CCDC91: variants seen among roughly 807,000 people sequenced by gnomAD.
CCDC91 encodes coiled-coil domain-containing protein 91.
Under a neutral mutation model 63.2 loss-of-function variants are expected in CCDC91, and 48 were observed. The ratio of observed to expected loss-of-function variants is 0.76; its 90% confidence interval spans 0.60 to 0.97. The LOEUF is 0.97. CCDC91 is among the 50% of genes least tolerant of loss of function. The pLI is 0.00. For missense variants in CCDC91, 500 were observed against 494.6 expected (o/e 1.01, Z -0.10); for synonymous variants, 167 against 165.8 (o/e 1.01, Z -0.06).
intron 1 of CCDC91, among the ~76,000 whole-genome samples, chr12:28,218,142 C>T (rs1943689887): frequency 6.6e-6 from 1 of 152,106 alleles, no homozygotes; most frequent in Non-Finnish European, 1.5e-5. Flanking sequence ...CATTGCACAT[C>T]TTTTTCCCCT....
At position 28,441,891 on chromosome 12, in the gene CCDC91, C is replaced by T. The variant is rs559712452; in HGVS notation, c.763-8270C>T. On this transcript the variant is annotated intron_variant, in intron 8 of 12. Transcript: ENST00000536442. ...AAGATGTGTATCACACAGCTAAGTG[C>T]ATAGCTAAGATTGTTCAAGCTTGTA... is the stretch of plus-strand genomic sequence containing the variant. 4.0e-5 allele frequency among the ~76,000 whole-genome samples: 6 copies of T among 151,890 alleles called. No homozygotes were observed. The South Asian group carries it at 1.2e-3, about 32-fold the overall frequency.
Position 28,298,308 on chromosome 12 carries a change from G to C in CCDC91, c.110-7341G>C, listed in dbSNP as rs541084817. Among the ~76,000 whole-genome samples the C allele has an allele frequency of 1.0e-3, 156 of 150,898 alleles. 1 individual carries two copies. Among genetic ancestry groups the C allele is most frequent in the African/African-American group, 3.4e-3 (141 of 41,294 alleles). On this transcript the variant is annotated intron_variant, in intron 3 of 12. Coordinates refer to ENST00000536442, the MANE Select transcript of CCDC91 (RefSeq NM_018318.5). ...TATTGGTCTGATTAGCAGGATGCCA[G>C]AAAGGCTTGCATCTCCAAATTTTGT...
intron 8 of CCDC91, among the ~76,000 whole-genome samples, chr12:28,436,055 C>T (rs1948888309): frequency 6.6e-6 from 1 of 151,698 alleles, no homozygotes; most frequent in Admixed American, 6.6e-5. Flanking sequence ...CAATCTCTGT[C>T]TTTTAATTGT....
chr12:28,373,929 G>A (rs1468117146), intron 7 of CCDC91, among the ~76,000 whole-genome samples: 1 of 152,050 alleles, frequency 6.6e-6, no homozygotes, highest in Non-Finnish European at 1.5e-5. Flanking sequence ...CTATGAAGAA[G>A]GTGCATTGCT....
At chr12:28,434,397 A>G (rs1412415490) in intron 8 of CCDC91, among the ~76,000 whole-genome samples, 10 of 151,384 alleles carry the variant, frequency 6.6e-5, no homozygotes, top group South Asian at 2.1e-4. Context: ...TTAGCTGTCC[A>G]TGTGATTGAT....
chr12:28,382,952 C>A (rs1292376315), intron 7 of CCDC91, among the ~76,000 whole-genome samples: 1 of 151,970 alleles, frequency 6.6e-6, no homozygotes, highest in Non-Finnish European at 1.5e-5. Context: ...GAGGGATATC[C>A]ATATGGCAGC....
chr12:28,346,784 T>C (rs1272886248), intron 6 of CCDC91, among the ~76,000 whole-genome samples: 1 of 152,152 alleles, frequency 6.6e-6, no homozygotes, highest in African/African-American at 2.4e-5. Flanking sequence ...TTATAGTGGC[T>C]TTATGAGGTA....
At chr12:28,241,995 C>CAAAAAAAAAAAAAAA (rs1209663723) in intron 1 of CCDC91, among the ~76,000 whole-genome samples, 3 of 41,424 alleles carry the variant, frequency 7.2e-5, no homozygotes, top group South Asian at 9.6e-4. Context: ...GACTCCTTCT[C>CAAAAAAAAAAAAAAA]AAAAAAAAAA....
rs1240507555 is a variant in CCDC91 at position 28,491,859 on chromosome 12, TTTTG to T, written c.1215+7696_1215+7699del. On this transcript the variant is annotated intron_variant, in intron 12 of 12. Transcript: ENST00000536442. The stretch of plus-strand genomic sequence containing the variant: ...TTCAGCCATCCTTAGAAGTCAAAAA[TTTTG>T]TGTGTGTGTGTGTGTGTGTGTGTGT... Among the ~76,000 whole-genome samples the T allele has an allele frequency of 4.1e-4, 32 of 78,230 alleles. 2 individuals are homozygous for T. Among genetic ancestry groups the T allele is most frequent in the Admixed American group, 3.0e-3 (22 of 7,452 alleles). The allele number at this position is 78,230 out of a possible 152,430, so 51.3% of individuals were successfully genotyped here. A position where few individuals can be genotyped will look rare whatever the true frequency, so the allele number is the denominator to read the frequency against.
chr12:28,234,784 A>T, intron 1 of CCDC91, among the ~76,000 whole-genome samples: 1 of 151,854 alleles, frequency 6.6e-6, no homozygotes, highest in South Asian at 2.1e-4. Flanking sequence ...AAGTTTCAGT[A>T]TCTTACAGCT....
At chr12:28,208,902 G>A (rs1244255424) in intron 1 of CCDC91, among the ~76,000 whole-genome samples, 1 of 152,098 alleles carries the variant, frequency 6.6e-6, no homozygotes, top group African/African-American at 2.4e-5. Flanking sequence ...CCGGGTTCAC[G>A]CCATTCTCCT....
chr12:28,199,200 A>G (rs1293944728), intron 1 of CCDC91: 1 of 151,634 alleles, frequency 6.6e-6, no homozygotes, highest in Non-Finnish European at 1.5e-5. Context: ...GTTGTGAGCC[A>G]CTGCACCCGG....
chr12:28,514,520 G>C (rs183657037), intron 12 of CCDC91, among the ~76,000 whole-genome samples: 5 of 150,624 alleles, frequency 3.3e-5, no homozygotes, highest in Admixed American at 6.6e-5. Flanking sequence ...TTTTTGCTTT[G>C]GTTGTAATTG....
At chr12:28,447,981 G>T (rs1460966358) in intron 8 of CCDC91, among the ~76,000 whole-genome samples, 1 of 152,064 alleles carries the variant, frequency 6.6e-6, no homozygotes, top group African/African-American at 2.4e-5. Context: ...AAAATCGGAA[G>T]CATAGATTAC....
intron 8 of CCDC91, among the ~76,000 whole-genome samples, chr12:28,402,209 C>T (rs1946665639): frequency 6.6e-6 from 1 of 152,094 alleles, no homozygotes; most frequent in Admixed American, 6.6e-5. Context: ...GTTGTGATAA[C>T]CAGAAATATC....
At chr12:28,278,217 T>C (rs1484286124) in intron 3 of CCDC91, among the ~76,000 whole-genome samples, 1 of 152,052 alleles carries the variant, frequency 6.6e-6, no homozygotes, top group Non-Finnish European at 1.5e-5. Context: ...CTAGTCTCTT[T>C]TTCATTGTCA....
chr12:28,372,503 T>A (rs12426327), intron 7 of CCDC91, among the ~76,000 whole-genome samples: 4,384 of 150,254 alleles, frequency 0.029, 141 homozygotes, highest in Admixed American at 0.1. Context: ...ATGCTTTTTT[T>A]TAAAATTTTT....
At chr12:28,480,322 C>A (rs1951376539) in intron 11 of CCDC91, among the ~76,000 whole-genome samples, 1 of 151,930 alleles carries the variant, frequency 6.6e-6, no homozygotes, top group South Asian at 2.1e-4. Context: ...ATATCTCCTT[C>A]CTTATAACTC....
rs909933998 is a variant in CCDC91 at position 28,284,120 on chromosome 12, CT to C, written c.110-21520del. Reference sequence around the variant, plus strand: ...CATTCATGATACAGCCTTTCTTCTTCTTTTTTTTTATATTGAGTAGGTTTTT... The same window carrying C: ...CATTCATGATACAGCCTTTCTTCTTCTTTTTTTTATATTGAGTAGGTTTTT... On this transcript the variant is annotated intron_variant, in intron 3 of 12. Coordinates refer to ENST00000536442, the MANE Select transcript of CCDC91 (RefSeq NM_018318.5). Among the ~76,000 whole-genome samples the C allele has an allele frequency of 2.5e-3, 371 of 150,896 alleles. 2 individuals are homozygous for C. The highest frequency in any genetic ancestry group is 8.3e-3 in the African/African-American group (343 of 41,156).
Sources: allele counts gnomAD v4.1 joint callset (sites outside exome capture counted in the v4.1 genomes callset), GRCh38; gene constraint gnomAD v4.1.1; transcripts MANE v1.5; gene names NCBI Gene and HGNC (gene_info 2026-07-23, HGNC 2026-07-21).